The following OVCH2 variants were observed in gnomAD, a reference collection of about 807,000 sequenced individuals.
The protein encoded by OVCH2 is ovochymase-2.
Under a neutral mutation model 73.7 loss-of-function variants are expected in OVCH2, and 88 were observed. That is an observed-to-expected ratio of 1.19 (90% CI 1.01 to 1.43). OVCH2 has a LOEUF of 1.43. OVCH2 is among the 40% of genes most tolerant of loss of function. The pLI, the probability that OVCH2 is intolerant of heterozygous loss-of-function variation, is 0.00. For synonymous variants in OVCH2, 265 were observed against 234.5 expected (o/e 1.13, Z -1.19); for missense variants, 706 against 674.5 (o/e 1.05, Z -0.52).
At chr11:7,681,853 C>CAAAAAAAA in the OVCH2 span, among the ~76,000 whole-genome samples, 11 of 92,968 alleles carry the variant, frequency 1.2e-4, no homozygotes, top group Admixed American at 2.3e-4. Context: ...GGGAAATGTC[C>CAAAAAAAA]AAAAAAAAAA....
chr11:7,684,255 C>T, the OVCH2 span, among the ~76,000 whole-genome samples: 1 of 151,926 alleles, frequency 6.6e-6, no homozygotes, highest in Non-Finnish European at 1.5e-5. Flanking sequence ...ACATATATTC[C>T]ATTCACTGGA....
chr11:7,700,287 C>T lies in OVCH2; in HGVS notation c.901+9G>A, dbSNP rs536888675. 8.1e-6 allele frequency: 13 copies of T among 1,612,562 alleles called. No homozygotes were observed. In the African/African-American group the frequency reaches 1.6e-4, roughly 20 times the overall value. On this transcript the variant is annotated intron_variant, in intron 7 of 15. Transcript: ENST00000533663. ...GCAGCTTCTTAACCTTGTGTGATGG[C>T]TTAGTTACCAGTTTGGATGTGTTCG... is the stretch of plus-strand genomic sequence containing the variant.
At chr11:7,681,853 CAAAAAAA>C in the OVCH2 span, among the ~76,000 whole-genome samples, 19 of 92,992 alleles carry the variant, frequency 2.0e-4, no homozygotes, top group East Asian at 3.8e-4. Flanking sequence ...GGGAAATGTC[CAAAAAAA>C]AAAAAAAAAA....
chr11:7,703,590 A>G (rs1856481965), intron 3 of OVCH2, 108 bp downstream of exon 3: 3 of 875,072 alleles, frequency 3.4e-6, no homozygotes, highest in African/African-American at 1.8e-5. Flanking sequence ...CTGTTAAACC[A>G]ATACTCACCT....
At chr11:7,703,594 C>T in intron 3 of OVCH2, 104 bp downstream of exon 3, 1 of 903,754 alleles carries the variant, frequency 1.1e-6, no homozygotes, top group South Asian at 1.9e-5. Context: ...TAAACCAATA[C>T]TCACCTATCA....
At chr11:7,691,053 G>A (rs35237380) in intron 14 of OVCH2, among the ~76,000 whole-genome samples, 14,137 of 152,202 alleles carry the variant, frequency 0.093, 790 homozygotes, top group East Asian at 0.14. Flanking sequence ...GTACTGATCA[G>A]CTGATGAAAA....
downstream of OVCH2, among the ~76,000 whole-genome samples, chr11:7,687,311 T>G (rs866612013): frequency 0.017 from 1,725 of 101,716 alleles, 35 homozygotes; most frequent in African/African-American, 0.051. Flanking sequence ...GCTGTGGAAA[T>G]AATAATAATA....
At chr11:7,703,588 C>G in intron 3 of OVCH2, 110 bp downstream of exon 3, 1 of 862,226 alleles carries the variant, frequency 1.2e-6, no homozygotes, top group African/African-American at 1.8e-5. Context: ...ATCTGTTAAA[C>G]CAATACTCAC....
the OVCH2 span, among the ~76,000 whole-genome samples, chr11:7,683,763 G>A: frequency 6.6e-6 from 1 of 152,130 alleles, no homozygotes; most frequent in Non-Finnish European, 1.5e-5. Flanking sequence ...TATCAGGCAT[G>A]CTCTTACCTC....
At chr11:7,704,769 A>T in intron 1 of OVCH2, 95 bp from the exon 2 acceptor site, 1 of 742,254 alleles carries the variant, frequency 1.3e-6, no homozygotes, top group Admixed American at 2.4e-5. Context: ...GTCTGAGACT[A>T]TGGTGTATGG....
Position 7,706,391 on chromosome 11 carries a change from G to A in OVCH2, c.4C>T (p.Leu2Phe), listed in dbSNP as rs1389870875. Reference protein sequence around the residue: MLISRNKLILLL... With the variant: MFISRNKLILLL... The stretch of plus-strand genomic sequence containing the variant: ...AAAATCAGCTTGTTCCTGCTTATAA[G>A]CATTTTGAGACTCATAGTTTTTCCC... The change falls in exon 1 of 16, where the codon CTT becomes TTT. Residue 2 changes from leucine (L) to phenylalanine (F), a missense_variant. Leu to Phe is a conservative substitution (Grantham distance 22). Transcript: ENST00000533663. The A allele has an allele frequency of 6.4e-7, 1 of 1,569,474 alleles. No homozygotes were observed. Among genetic ancestry groups the A allele is most frequent in the Non-Finnish European group, 8.7e-7 (1 of 1,155,264 alleles).
intron 6 of OVCH2, among the ~76,000 whole-genome samples, chr11:7,700,698 C>T (rs1323082892): frequency 6.6e-6 from 1 of 152,244 alleles, no homozygotes; most frequent in Non-Finnish European, 1.5e-5. Context: ...CCCTTTTCCT[C>T]ATCCATGGCT....
intron 13 of OVCH2, 87 bp from the exon 14 acceptor site, chr11:7,691,487 C>T: frequency 2.7e-6 from 4 of 1,471,290 alleles, no homozygotes; most frequent in African/African-American, 1.4e-5. Flanking sequence ...GAAAATCATC[C>T]TTCAGGTAAT....
chr11:7,705,799 A>G (rs1434142850), intron 1 of OVCH2: 2 of 152,332 alleles, frequency 1.3e-5, no homozygotes, highest in Non-Finnish European at 2.9e-5. Flanking sequence ...GTCAGAAAAC[A>G]TGTTGATTCT....
At chr11:7,686,580 A>ACTCATT (rs1486953689), downstream of OVCH2, among the ~76,000 whole-genome samples, 3 of 152,178 alleles carry the variant, frequency 2.0e-5, no homozygotes, top group African/African-American at 7.2e-5. Context: ...AAAAAGAAGC[A>ACTCATT]CTCATTCTCA....
At chr11:7,701,541 C>T in intron 5 of OVCH2, 66 bp from the exon 6 acceptor site, 2 of 1,557,418 alleles carry the variant, frequency 1.3e-6, no homozygotes, top group Non-Finnish European at 1.7e-6. Flanking sequence ...GAAGATGCAT[C>T]ATTTGTGTTT....
chr11:7,695,183 C>G lies in OVCH2; in HGVS notation c.1288G>C (p.Gly430Arg), dbSNP rs369069250. ...ALKPNYIPDS[G>R]CSYLTVLFEE... ...AAAAGGACAGTTAAGTAACTGCAACCTGAATCTGAAACGTAAGAAAAAGTC... is the reference window on the plus strand; with the variant it reads ...AAAAGGACAGTTAAGTAACTGCAACGTGAATCTGAAACGTAAGAAAAAGTC... The change falls in exon 12 of 16, where the codon GGT (glycine) becomes CGT (arginine). Residue 430 changes from glycine to arginine, a missense_variant. Gly to Arg is a moderately radical substitution (Grantham distance 125). Coordinates refer to ENST00000533663, the MANE Select transcript of OVCH2 (RefSeq NM_198185.7). The G allele has an allele frequency of 6.9e-5, 107 of 1,554,632 alleles. No individual in the cohort carries two copies. Among genetic ancestry groups the G allele is most frequent in the Non-Finnish European group, 8.9e-5 (102 of 1,151,584 alleles).
intron 6 of OVCH2, 131 bp from the exon 7 acceptor site, chr11:7,700,616 T>C (rs1856419455): frequency 3.9e-6 from 4 of 1,034,202 alleles, no homozygotes; most frequent in South Asian, 1.7e-5. Context: ...AGACTCAGGG[T>C]CCTGTGTATA....
chr11:7,685,747 C>G (rs1856135860), downstream of OVCH2, among the ~76,000 whole-genome samples: 1 of 152,024 alleles, frequency 6.6e-6, no homozygotes, highest in Admixed American at 6.5e-5. Context: ...AGCTGGGATG[C>G]CCTTGAAGGC....
Sources: gnomAD v4.1 joint callset for allele counts (sites outside exome capture counted in the v4.1 genomes callset) on GRCh38, gnomAD v4.1.1 for gene constraint, MANE v1.5 for transcripts, NCBI Gene and HGNC (gene_info 2026-07-23, HGNC 2026-07-21) for gene names.